Variants in SMG6 observed in about 807,000 individuals in gnomAD.
The protein encoded by SMG6 is telomerase-binding protein EST1A.
SMG6 carries 66 observed loss-of-function variants against 142.2 expected under a neutral mutation model. The observed-to-expected ratio is 0.46, with a 90% CI of 0.38 to 0.57. The LOEUF is 0.57. Ranked by LOEUF, SMG6 falls within the 20% of genes least tolerant of loss-of-function variation. SMG6 has a pLI of 0.00. For missense variants in SMG6, 1,793 were observed against 1,832.0 expected (o/e 0.98, Z 0.39); for synonymous variants, 779 against 702.4 (o/e 1.11, Z -1.72).
intron 16 of SMG6, among the ~76,000 whole-genome samples, chr17:2,066,504 G>A (rs555402117): frequency 6.6e-6 from 1 of 152,018 alleles, no homozygotes; most frequent in African/African-American, 2.4e-5. Flanking sequence ...CTCCTCGGGG[G>A]CTCTGGGAGA....
chr17:2,139,357 C>T (rs750303659), intron 13 of SMG6, among the ~76,000 whole-genome samples: 27 of 151,790 alleles, frequency 1.8e-4, no homozygotes, highest in Admixed American at 1.1e-3. Flanking sequence ...GCCAGACTGA[C>T]AATCAAGAGC....
At chr17:2,264,380 C>G (rs1268664007) in intron 8 of SMG6, among the ~76,000 whole-genome samples, 1 of 152,150 alleles carries the variant, frequency 6.6e-6, no homozygotes, top group Non-Finnish European at 1.5e-5. Flanking sequence ...TCATGAGATG[C>G]CAAAACTACA....
rs1037259079 is a variant in SMG6, at chr17:2,257,933, C to T, written c.2662-13214G>A. Among the ~76,000 whole-genome samples the T allele has an allele frequency of 2.5e-4, 37 of 149,064 alleles. 1 individual carries two copies. Among genetic ancestry groups the T allele is most frequent in the Non-Finnish European group, 3.0e-5 (2 of 67,392 alleles). On this transcript the variant is annotated intron_variant, in intron 8 of 18. Coordinates refer to ENST00000263073, the MANE Select transcript of SMG6 (RefSeq NM_017575.5). ...CTGAGGCAGGAGAATCACTTGAACC[C>T]AGAAGGCGGAGGGTGCAGTGAGCTG...
Position 2,169,210 on chromosome 17 carries a change from G to A in SMG6, c.3357+3448C>T, listed in dbSNP as rs138899063. Among the ~76,000 whole-genome samples, 723 of 151,968 alleles carry A rather than the reference G, an allele frequency of 4.8e-3. 8 individuals are homozygous for A. Among genetic ancestry groups the A allele is most frequent in the Middle Eastern group, 0.038 (11 of 292 alleles). On this transcript the variant is annotated intron_variant, in intron 13 of 18. Transcript: ENST00000263073. ...CTTGAACCCGGGAGAAAGAGGTCCCGCAGAGGCGGGAGGATTGCTTGTGCG... is the reference window on the plus strand; with the variant it reads ...CTTGAACCCGGGAGAAAGAGGTCCCACAGAGGCGGGAGGATTGCTTGTGCG...
intron 10 of SMG6, among the ~76,000 whole-genome samples, chr17:2,218,717 T>C (rs1187171650): frequency 6.6e-6 from 1 of 152,148 alleles, no homozygotes; most frequent in Non-Finnish European, 1.5e-5. Flanking sequence ...ACCCTGACAA[T>C]GTAGTCCATG....
chr17:2,279,750 A>C (rs1485921814), intron 8 of SMG6, among the ~76,000 whole-genome samples: 2 of 152,214 alleles, frequency 1.3e-5, no homozygotes, highest in Non-Finnish European at 2.9e-5. Flanking sequence ...GCACGACTCC[A>C]GTCGCTCACA....
chr17:2,079,423 A>G (rs2068348390), intron 15 of SMG6, among the ~76,000 whole-genome samples: 1 of 151,972 alleles, frequency 6.6e-6, no homozygotes, highest in South Asian at 2.1e-4. Flanking sequence ...TCACGAAGTC[A>G]AGAGATTGAG....
At chr17:2,267,076 G>A (rs1183705809) in intron 8 of SMG6, among the ~76,000 whole-genome samples, 1 of 152,188 alleles carries the variant, frequency 6.6e-6, no homozygotes, top group Non-Finnish European at 1.5e-5. Flanking sequence ...TTTTCAAATA[G>A]CTTCCAGAGT....
intron 13 of SMG6, among the ~76,000 whole-genome samples, chr17:2,128,817 C>CAAAAAAAA (rs367580981): frequency 2.7e-5 from 2 of 73,064 alleles, no homozygotes; most frequent in Admixed American, 1.7e-4. Flanking sequence ...GAGCAAGACT[C>CAAAAAAAA]AAAAAAAAAA....
At chr17:2,167,131 C>CAAAAAAAAAAAAAA (rs57898779) in intron 13 of SMG6, among the ~76,000 whole-genome samples, 1 of 35,714 alleles carries the variant, frequency 2.8e-5, no homozygotes, top group Non-Finnish European at 4.3e-5. Flanking sequence ...GACTCCATCT[C>CAAAAAAAAAAAAAA]AAAAAAAAAA....
At chr17:2,212,772 T>C (rs905925567) in intron 10 of SMG6, 4 of 152,176 alleles carry the variant, frequency 2.6e-5, no homozygotes, top group South Asian at 2.1e-4. Flanking sequence ...ATAAGTGACA[T>C]GTTTCAAAAT....
chr17:2,181,454 C>CAG (rs1181452809), intron 12 of SMG6, among the ~76,000 whole-genome samples: 1 of 152,192 alleles, frequency 6.6e-6, no homozygotes, highest in Non-Finnish European at 1.5e-5. Context: ...ATCCTAACTG[C>CAG]AGAGAGAGAA....
Position 2,287,162 on chromosome 17 carries a change from G to A in SMG6, c.2338-3427C>T, listed in dbSNP as rs530312584. Among the ~76,000 whole-genome samples, 16 of 152,038 alleles carry A rather than the reference G, an allele frequency of 1.1e-4. No individual in the cohort carries two copies. The East Asian group carries it at 1.9e-3, about 18-fold the overall frequency. ...TCTCAATCTCTTGACCTCGTGATCC[G>A]CCCGCCTCGGCCTCCCAAAGTGCTG... On this transcript the variant is annotated intron_variant, in intron 6 of 18. Coordinates refer to ENST00000263073, the MANE Select transcript of SMG6 (RefSeq NM_017575.5).
At chr17:2,274,400 A>G (rs1309317705) in intron 8 of SMG6, among the ~76,000 whole-genome samples, 1 of 152,246 alleles carries the variant, frequency 6.6e-6, no homozygotes, top group Admixed American at 6.5e-5. Context: ...CAACTGCATT[A>G]AATTCTCCAG....
intron 10 of SMG6, among the ~76,000 whole-genome samples, chr17:2,220,080 T>C (rs937612005): frequency 1.3e-5 from 2 of 151,974 alleles, no homozygotes; most frequent in Non-Finnish European, 2.9e-5. Flanking sequence ...TACCACCACA[T>C]CCAGCTAATT....
chr17:2,247,106 A>G (rs757290092), intron 8 of SMG6, among the ~76,000 whole-genome samples: 2 of 152,184 alleles, frequency 1.3e-5, no homozygotes, highest in Non-Finnish European at 2.9e-5. Flanking sequence ...AGAAACAGGG[A>G]CCTTCCCATG....
At chr17:2,128,890 A>G (rs751668996) in intron 13 of SMG6, among the ~76,000 whole-genome samples, 5 of 152,004 alleles carry the variant, frequency 3.3e-5, no homozygotes, top group Non-Finnish European at 7.4e-5. Flanking sequence ...AAAAAGAAAG[A>G]AAGAAAGAAA....
intron 13 of SMG6, among the ~76,000 whole-genome samples, chr17:2,112,066 T>C (rs1248470881): frequency 6.6e-6 from 1 of 152,084 alleles, no homozygotes; most frequent in Non-Finnish European, 1.5e-5. Context: ...AGTGCCAAGG[T>C]CTTTAGTTGT....
At chr17:2,245,338 T>C (rs185515472) in intron 8 of SMG6, among the ~76,000 whole-genome samples, 105 of 152,346 alleles carry the variant, frequency 6.9e-4, no homozygotes, top group African/African-American at 2.3e-3. Flanking sequence ...ACTCCAGTTT[T>C]GGCCAAATCC....
Sources: allele counts gnomAD v4.1 joint callset (sites outside exome capture counted in the v4.1 genomes callset), GRCh38; gene constraint gnomAD v4.1.1; transcripts MANE v1.5; gene names NCBI Gene and HGNC (gene_info 2026-07-23, HGNC 2026-07-21).